RYR3: variants seen among roughly 807,000 people sequenced by gnomAD.
RYR3 encodes brain ryanodine receptor-calcium release channel.
In RYR3, 207 loss-of-function variants were observed where a neutral mutation model predicts 584.3. That is an observed-to-expected ratio of 0.35 (90% CI 0.32 to 0.40). RYR3 has a LOEUF of 0.40. Among genes scored for constraint, RYR3 ranks in the 10% least tolerant of loss-of-function variants. RYR3 has a pLI of 1.00. For synonymous variants in RYR3, 2,416 were observed against 2,248.5 expected (o/e 1.07, Z -2.11); for missense variants, 5,616 against 6,089.2 (o/e 0.92, Z 2.59).
intron 3 of RYR3, among the ~76,000 whole-genome samples, chr15:33,506,227 A>G (rs930810817): frequency 1.3e-5 from 2 of 152,218 alleles, no homozygotes; most frequent in African/African-American, 4.8e-5. Context: ...TCATTTTAGA[A>G]TATATGAATA....
chr15:33,459,402 G>T (rs886203320), intron 1 of RYR3, among the ~76,000 whole-genome samples: 21 of 152,130 alleles, frequency 1.4e-4, no homozygotes, highest in African/African-American at 4.8e-4. Flanking sequence ...AAAGTCTCTT[G>T]GAGATAAAAA....
At chr15:33,502,588 C>T (rs780872699) in intron 2 of RYR3, among the ~76,000 whole-genome samples, 2 of 152,176 alleles carry the variant, frequency 1.3e-5, no homozygotes, top group Non-Finnish European at 2.9e-5. Flanking sequence ...TCCAGAAAGG[C>T]AGTGGTTTTG....
chr15:33,742,558 C>T lies in RYR3; in HGVS notation c.7899+114C>T, dbSNP rs533750828. 18 of 715,934 alleles carry T rather than the reference C, an allele frequency of 2.5e-5. No individual in the cohort carries two copies. The East Asian group carries it at 2.7e-4, about 11-fold the overall frequency. The allele number at this position is 715,934 out of a possible 1,614,324, so 44.3% of individuals were successfully genotyped here. On this transcript the variant is annotated intron_variant, in intron 52 of 103. Coordinates refer to ENST00000634891, the MANE Select transcript of RYR3 (RefSeq NM_001036.6). ...TGTCTAAGTAACAGATTTTCCATGCCGAGAGCATTCATTATTTCTGAGCAG... is the reference window on the plus strand; with the variant it reads ...TGTCTAAGTAACAGATTTTCCATGCTGAGAGCATTCATTATTTCTGAGCAG...
chr15:33,596,581 ATGT>A (rs963962051), intron 16 of RYR3, among the ~76,000 whole-genome samples: 2 of 151,714 alleles, frequency 1.3e-5, no homozygotes, highest in African/African-American at 4.9e-5. Flanking sequence ...GTACATAGTG[ATGT>A]TGTGATACAT....
intron 80 of RYR3, among the ~76,000 whole-genome samples, chr15:33,822,331 A>C (rs150927104): frequency 7.9e-5 from 12 of 152,314 alleles, no homozygotes; most frequent in African/African-American, 2.6e-4. Flanking sequence ...GACCCTTGGC[A>C]TTCATAAGGG....
At chr15:33,697,286 C>A (rs1202741239) in intron 39 of RYR3, among the ~76,000 whole-genome samples, 1 of 152,156 alleles carries the variant, frequency 6.6e-6, no homozygotes, top group Non-Finnish European at 1.5e-5. Flanking sequence ...AATGAAGCGA[C>A]TTTTATGGGA....
intron 43 of RYR3, among the ~76,000 whole-genome samples, chr15:33,708,563 T>C (rs527602946): frequency 1.4e-4 from 21 of 152,328 alleles, no homozygotes; most frequent in Admixed American, 5.2e-4. Flanking sequence ...TTCAATATAT[T>C]TTCTGCACTA....
At chr15:33,715,850 A>T (rs1322724955) in intron 43 of RYR3, among the ~76,000 whole-genome samples, 3 of 152,138 alleles carry the variant, frequency 2.0e-5, no homozygotes, top group Admixed American at 2.0e-4. Flanking sequence ...GTGGGCAGAG[A>T]TCCTTATAAC....
chr15:33,810,714 C>T, intron 71 of RYR3, 65 bp downstream of exon 71: 1 of 1,597,050 alleles, frequency 6.3e-7, no homozygotes, highest in Non-Finnish European at 8.6e-7. Context: ...GCATTCAGCC[C>T]CTGAAGGGTT....
In RYR3 at chr15:33,748,228, G is replaced by A; in HGVS notation, c.8104G>A (p.Glu2702Lys). ...GEALVQQREN[E>K]KLRSVSQANQ... Reference sequence around the variant, plus strand: ...AGCTTTGGTTCAACAGCGGGAAAATGAGAAGCTTCGAAGTGTGTCCCAGGC... The same window carrying A: ...AGCTTTGGTTCAACAGCGGGAAAATAAGAAGCTTCGAAGTGTGTCCCAGGC... Residue 2702 changes from glutamate (E) to lysine (K), a missense_variant, in exon 54 of 104, where the codon GAG becomes AAG. Around this residue, in one of 9 missense-constraint regions of RYR3, gnomAD observed 1,280 missense variants for 1,426.2 expected, o/e 0.90. Coordinates refer to ENST00000634891, the MANE Select transcript of RYR3 (RefSeq NM_001036.6). The A allele has an allele frequency of 6.2e-7, 1 of 1,613,932 alleles. No individual in the cohort carries two copies. The highest frequency in any genetic ancestry group is 8.5e-7 in the Non-Finnish European group (1 of 1,179,874).
chr15:33,591,992 A>G (rs941633290), intron 16 of RYR3, among the ~76,000 whole-genome samples: 2 of 152,212 alleles, frequency 1.3e-5, no homozygotes, highest in Non-Finnish European at 2.9e-5. Context: ...TAATTCCCAT[A>G]TAAGCTTGTG....
At chr15:33,448,692 C>G (rs1160519218) in intron 1 of RYR3, among the ~76,000 whole-genome samples, 3 of 152,176 alleles carry the variant, frequency 2.0e-5, no homozygotes, top group Non-Finnish European at 2.9e-5. Flanking sequence ...TTCACTATTT[C>G]AGTGCAGTTG....
At chr15:33,652,413 G>A (rs868536518) in intron 31 of RYR3, among the ~76,000 whole-genome samples, 15 of 152,064 alleles carry the variant, frequency 9.9e-5, no homozygotes, top group African/African-American at 2.2e-4. Flanking sequence ...GGATACTGCC[G>A]TTCCCATGAT....
intron 1 of RYR3, among the ~76,000 whole-genome samples, chr15:33,358,461 G>C (rs1974291397): frequency 6.6e-6 from 1 of 152,172 alleles, no homozygotes; most frequent in Admixed American, 6.5e-5. Context: ...AGACAGGGTT[G>C]AAATGCATCA....
At chr15:33,592,236 G>T (rs1437886497) in intron 16 of RYR3, among the ~76,000 whole-genome samples, 4 of 152,264 alleles carry the variant, frequency 2.6e-5, no homozygotes, top group African/African-American at 9.6e-5. Context: ...GATAGAGTGT[G>T]GTTATTGGCT....
At chr15:33,742,046 C>G (rs930515749) in intron 51 of RYR3, among the ~76,000 whole-genome samples, 1 of 152,206 alleles carries the variant, frequency 6.6e-6, no homozygotes, top group Non-Finnish European at 1.5e-5. Flanking sequence ...AGGCCATTTA[C>G]CTTGGATTCT....
At chr15:33,352,220 G>A (rs1014233762) in intron 1 of RYR3, among the ~76,000 whole-genome samples, 3 of 151,970 alleles carry the variant, frequency 2.0e-5, no homozygotes, top group Non-Finnish European at 2.9e-5. Context: ...TTACATAGAT[G>A]GGCCTTAGTT....
intron 38 of RYR3, among the ~76,000 whole-genome samples, chr15:33,677,913 A>G (rs938775568): frequency 9.9e-5 from 15 of 152,184 alleles, no homozygotes; most frequent in African/African-American, 3.6e-4. Flanking sequence ...CCAATCACGG[A>G]TAGAGTCAGG....
chr15:33,481,233 A>G (rs1031992262), intron 2 of RYR3, among the ~76,000 whole-genome samples: 1 of 152,160 alleles, frequency 6.6e-6, no homozygotes, highest in African/African-American at 2.4e-5. Flanking sequence ...TAAACAACAT[A>G]TAGGTAAGTA....
Sources: gnomAD v4.1 joint callset for allele counts (sites outside exome capture counted in the v4.1 genomes callset) on GRCh38, gnomAD v4.1.1 for gene constraint, gnomAD v4.1.1 regional missense constraint, MANE v1.5 for transcripts, NCBI Gene and HGNC (gene_info 2026-07-23, HGNC 2026-07-21) for gene names.